The following LYST variants were observed in gnomAD, a reference collection of about 807,000 sequenced individuals.
LYST encodes the protein lysosomal-trafficking regulator.
Under a neutral mutation model 413.6 loss-of-function variants are expected in LYST, and 192 were observed. That is an observed-to-expected ratio of 0.46 (90% CI 0.41 to 0.52). The LOEUF (loss-of-function observed/expected upper bound fraction) is 0.52, where lower values mean the gene tolerates loss of function less well. Among genes scored for constraint, LYST ranks in the 20% least tolerant of loss-of-function variants. The pLI, the probability that LYST is intolerant of heterozygous loss-of-function variation, is 0.00. For missense variants in LYST, 3,815 were observed against 4,499.9 expected, an observed-to-expected ratio of 0.85 and a Z score of 4.35; for synonymous variants, 1,525 against 1,567.3, an observed-to-expected ratio of 0.97 and a Z score of 0.64.
At chr1:235,796,012 T>G (rs1558257752) in intron 10 of LYST, among the ~76,000 whole-genome samples, 1 of 151,320 alleles carries the variant, frequency 6.6e-6, no homozygotes, top group East Asian at 1.9e-4. Context: ...AAATAAAAAA[T>G]TAAATAAAAG....
chr1:235,842,247 G>A (rs532956967), intron 1 of LYST, among the ~76,000 whole-genome samples: 1 of 152,062 alleles, frequency 6.6e-6, no homozygotes, highest in East Asian at 1.9e-4. Context: ...AATAAATGTT[G>A]ATAGACAAGC....
Position 235,753,110 on chromosome 1 carries a change from A to C in LYST, c.7394T>G (p.Leu2465Trp), listed in dbSNP as rs771230485. ...CACATAGAGTAGACCATTATCCAGCAACATATCTGCTACCTTAGAACAAGA... is the reference window on the plus strand; with the variant it reads ...CACATAGAGTAGACCATTATCCAGCCACATATCTGCTACCTTAGAACAAGA... ...LNSCSKVADM[L>W]LDNGLLYVLC... The change falls in exon 26 of 53, where the codon TTG becomes TGG. Residue 2465 changes from leucine to tryptophan, a missense_variant. This residue lies in a region of LYST where 771 missense variants were observed against 837.1 expected (regional missense o/e 0.92). Transcript: ENST00000389793. 2 of 1,609,446 alleles carry C rather than the reference A, an allele frequency of 1.2e-6. No individual in the cohort carries two copies. The highest frequency in any genetic ancestry group is 3.3e-5 in the Admixed American group (2 of 59,982).
chr1:235,773,538 A>C (rs1668923502), intron 19 of LYST, among the ~76,000 whole-genome samples: 1 of 152,210 alleles, frequency 6.6e-6, no homozygotes, highest in East Asian at 1.9e-4. Context: ...TAAGTGAAAT[A>C]AGCTAATCAC....
chr1:235,806,173 C>T lies in LYST; in HGVS notation c.2963G>A (p.Arg988Gln), dbSNP rs150953050. Reference sequence around the variant, plus strand: ...CATAAATATTAACTTATGGCATACTCGGAAACCACCAAGCCTATAAAACTG... The same window carrying T: ...CATAAATATTAACTTATGGCATACTTGGAAACCACCAAGCCTATAAAACTG... ...QKQFYRLGGFRVCHKLIFMII... is the reference protein window; with the variant it reads ...QKQFYRLGGFQVCHKLIFMII... The change falls in exon 6 of 53, where the codon CGA (arginine) becomes CAA (glutamine). Residue 988 changes from arginine (R) to glutamine (Q), a missense_variant. This residue lies in a region of LYST where 1,648 missense variants were observed against 1,810.3 expected (regional missense o/e 0.91). Coordinates refer to ENST00000389793, the MANE Select transcript of LYST (RefSeq NM_000081.4). 2.9e-4 allele frequency: 469 copies of T among 1,613,790 alleles called. 3 individuals carry two copies. Among genetic ancestry groups the T allele is most frequent in the Middle Eastern group, 2.8e-3 (17 of 6,062 alleles).
chr1:235,754,518 C>A (rs905913943), intron 25 of LYST, among the ~76,000 whole-genome samples: 7 of 152,100 alleles, frequency 4.6e-5, no homozygotes, highest in African/African-American at 1.4e-4. Context: ...AGCCACCACG[C>A]CCAGCCTCAC....
At chr1:235,863,419 G>T (rs751733793) in intron 1 of LYST, among the ~76,000 whole-genome samples, 10 of 149,400 alleles carry the variant, frequency 6.7e-5, no homozygotes, top group Non-Finnish European at 1.5e-4. Flanking sequence ...AAAGGCGAAA[G>T]ATTTATACAA....
chr1:235,859,965 T>A (rs1375359808), intron 1 of LYST, among the ~76,000 whole-genome samples: 2 of 152,254 alleles, frequency 1.3e-5, no homozygotes, highest in Non-Finnish European at 2.9e-5. Flanking sequence ...GACTTGTTCT[T>A]AAACAAATTC....
Position 235,746,043 on chromosome 1 carries a change from G to C in LYST, c.7972+293C>G, listed in dbSNP as rs78598087. 6.4e-3 allele frequency among the ~76,000 whole-genome samples: 974 copies of C among 152,058 alleles called. 5 individuals carry two copies. Among genetic ancestry groups the C allele is most frequent in the Middle Eastern group, 0.017 (5 of 294 alleles). ...GGGAAACTGGGTAAAGGGTACACAG[G>C]GTCTCTCTCTGTATTATTCCTTAAC... On this transcript the variant is annotated intron_variant, in intron 29 of 52. Transcript: ENST00000389793.
Position 235,711,706 on chromosome 1 carries a change from C to T in LYST, c.9925+351G>A, listed in dbSNP as rs1662414650. The stretch of plus-strand genomic sequence containing the variant: ...AATAATTGAGATTTCAGTTAATTTA[C>T]ATTTTGCTTTCAATAAAGTCATACC... On this transcript the variant is annotated intron_variant, in intron 43 of 52. Coordinates refer to ENST00000389793, the MANE Select transcript of LYST (RefSeq NM_000081.4). 6.6e-5 allele frequency among the ~76,000 whole-genome samples: 10 copies of T among 152,162 alleles called. No homozygotes were observed. In the South Asian group the frequency reaches 2.1e-3, roughly 32 times the overall value.
chr1:235,751,954 G>A (rs947332713), intron 27 of LYST, 51 bp downstream of exon 27: 1 of 1,252,808 alleles, frequency 8.0e-7, no homozygotes, highest in Non-Finnish European at 1.2e-6. Flanking sequence ...CAAATAACAG[G>A]TTTGTCTGTT....
chr1:235,676,203 T>C (rs1659365143), intron 50 of LYST, among the ~76,000 whole-genome samples: 1 of 152,264 alleles, frequency 6.6e-6, no homozygotes, highest in South Asian at 2.1e-4. Flanking sequence ...CATTTACTAT[T>C]CTATACTATT....
upstream of LYST, among the ~76,000 whole-genome samples, chr1:235,871,893 G>GTAAAAGATTT (rs1680940733): frequency 6.6e-6 from 1 of 152,186 alleles, no homozygotes; most frequent in Non-Finnish European, 1.5e-5. Flanking sequence ...ATTTCTACAT[G>GTAAAAGATTT]TCGGGGAGGA....
chr1:235,877,695 C>T (rs1462006907), intron 1 of LYST, among the ~76,000 whole-genome samples: 1 of 152,008 alleles, frequency 6.6e-6, no homozygotes, highest in African/African-American at 2.4e-5. Flanking sequence ...CGTGAGCCAC[C>T]GCGCCTGGCC....
chr1:235,808,499 C>T lies in LYST; in HGVS notation c.2319G>A (p.Val773=), dbSNP rs1018280694. The T allele has an allele frequency of 8.1e-6, 13 of 1,613,484 alleles. No homozygotes were observed. The highest frequency in any genetic ancestry group is 3.3e-4 in the Middle Eastern group (2 of 6,078). Residue 773 remains valine, a synonymous_variant, in exon 5 of 53, where the codon GTG becomes GTA. Transcript: ENST00000389793. The stretch of plus-strand genomic sequence containing the variant: ...GCAGAGTTTTTACATAAATCTGAAG[C>T]ACGTCCTGAGGCAAGCACTGGTTAT... ...SHHNQCLPQD[V]LQIYVKTLPI...
chr1:235,754,746 C>T lies in LYST; in HGVS notation c.7229+732G>A, dbSNP rs180680228. ...TTTTCTAAAGGTGACCAAAAGATTT[C>T]GTTAAGAGTGAGTTCACTAAATTTT... On this transcript the variant is annotated intron_variant, in intron 25 of 52. Transcript: ENST00000389793. Among the ~76,000 whole-genome samples, 268 of 152,146 alleles carry T rather than the reference C, an allele frequency of 1.8e-3. 1 individual carries two copies. The highest frequency in any genetic ancestry group is 6.1e-3 in the African/African-American group (255 of 41,516).
At chr1:235,687,142 CTT>C in intron 47 of LYST, 95 bp from the exon 48 acceptor site, 1 of 880,598 alleles carries the variant, frequency 1.1e-6, no homozygotes, top group Non-Finnish European at 1.8e-6. Context: ...AATACTTCTA[CTT>C]TTCTGACAAC....
intron 1 of LYST, among the ~76,000 whole-genome samples, chr1:235,878,122 T>C (rs1681220035): frequency 2.0e-5 from 3 of 152,192 alleles, no homozygotes; most frequent in African/African-American, 7.2e-5. Context: ...TTTATAGTTT[T>C]AAAAATCATC....
At chr1:235,767,385 A>C (rs1442779976) in intron 20 of LYST, among the ~76,000 whole-genome samples, 1 of 152,146 alleles carries the variant, frequency 6.6e-6, no homozygotes, top group Non-Finnish European at 1.5e-5. Flanking sequence ...TACAGAAGAA[A>C]ACACAAAACT....
At chr1:235,696,810 G>A (rs1661142059) in intron 46 of LYST, among the ~76,000 whole-genome samples, 1 of 152,200 alleles carries the variant, frequency 6.6e-6, no homozygotes, top group Admixed American at 6.5e-5. Flanking sequence ...GCCTCAAAGT[G>A]TACATTTCTG....
Sources: allele counts gnomAD v4.1 joint callset (sites outside exome capture counted in the v4.1 genomes callset), GRCh38; gene constraint gnomAD v4.1.1; regional missense constraint gnomAD v4.1.1; transcripts MANE v1.5; gene names NCBI Gene and HGNC (gene_info 2026-07-23, HGNC 2026-07-21).